EFR3A: variants seen among roughly 807,000 people sequenced by gnomAD.
The protein encoded by EFR3A is protein EFR3 homolog A.
A neutral mutation model predicts 104.4 loss-of-function variants in EFR3A; 76 were observed. That is an observed-to-expected ratio of 0.73 (90% CI 0.60 to 0.88). The LOEUF (loss-of-function observed/expected upper bound fraction) is 0.88. Ranked by LOEUF, EFR3A falls within the 40% of genes least tolerant of loss-of-function variation. The pLI is 0.00. For missense variants in EFR3A, 985 were observed against 1,012.5 expected (o/e 0.97, Z 0.37); for synonymous variants, 330 against 330.0 (o/e 1.00, Z 0.00).
At chr8:131,970,168 A>T (rs1242760227) in intron 9 of EFR3A, among the ~76,000 whole-genome samples, 3 of 152,232 alleles carry the variant, frequency 2.0e-5, no homozygotes, top group African/African-American at 4.8e-5. Context: ...TTGTGAACAG[A>T]TAAGATTAAA....
chr8:131,942,059 G>T (rs1386311384), intron 2 of EFR3A, among the ~76,000 whole-genome samples: 1 of 151,996 alleles, frequency 6.6e-6, no homozygotes, highest in Non-Finnish European at 1.5e-5. Flanking sequence ...TAAGGTGGAG[G>T]CCAGATTTTA....
chr8:131,926,543 T>C (rs1169694714), intron 1 of EFR3A, among the ~76,000 whole-genome samples: 2 of 152,130 alleles, frequency 1.3e-5, no homozygotes, highest in African/African-American at 4.8e-5. Context: ...TTTTAAGATA[T>C]ATGTCTGCTT....
chr8:131,956,518 T>C (rs1370601798), intron 7 of EFR3A, among the ~76,000 whole-genome samples: 2 of 152,226 alleles, frequency 1.3e-5, no homozygotes, highest in Non-Finnish European at 2.9e-5. Context: ...ATAGATCTAC[T>C]ATATAATATT....
At chr8:132,003,119 TAATA>T in intron 21 of EFR3A, 113 bp from the exon 22 acceptor site, 1 of 797,148 alleles carries the variant, frequency 1.3e-6, no homozygotes. Context: ...ATTGTGTACT[TAATA>T]ATTAATCAGC....
At chr8:131,952,385 A>G (rs1012643190) in intron 5 of EFR3A, among the ~76,000 whole-genome samples, 49 of 152,094 alleles carry the variant, frequency 3.2e-4, no homozygotes, top group African/African-American at 1.1e-3. Context: ...TAGATGTTAG[A>G]TCTGAATTGG....
chr8:131,981,020 T>TA (rs1820581287), intron 14 of EFR3A, among the ~76,000 whole-genome samples: 2 of 97,782 alleles, frequency 2.0e-5, no homozygotes, highest in South Asian at 4.6e-4. Flanking sequence ...AGTATTTCAT[T>TA]TTATATATAT....
intron 11 of EFR3A, among the ~76,000 whole-genome samples, chr8:131,976,681 T>C (rs1397982495): frequency 1.3e-5 from 2 of 152,154 alleles, no homozygotes; most frequent in Non-Finnish European, 2.9e-5. Context: ...CTTACCTGTT[T>C]ATTCATATTT....
At chr8:131,940,625 C>T in intron 2 of EFR3A, 50 bp downstream of exon 2, 1 of 1,564,102 alleles carries the variant, frequency 6.4e-7, no homozygotes, top group South Asian at 1.2e-5. Flanking sequence ...CCCATTCTGC[C>T]CCCCGCTGAC....
intron 14 of EFR3A, among the ~76,000 whole-genome samples, chr8:131,980,895 T>C (rs1305855911): frequency 6.6e-6 from 1 of 152,018 alleles, no homozygotes; most frequent in South Asian, 2.1e-4. Context: ...ATTCCACATA[T>C]AAGTGAGATT....
chr8:131,977,745 C>T (rs77509901), intron 12 of EFR3A, among the ~76,000 whole-genome samples: 1,784 of 152,104 alleles, frequency 0.012, 18 homozygotes, highest in Middle Eastern at 0.045. Flanking sequence ...GCAGAAATAC[C>T]TTGTGTGGTT....
At chr8:131,969,947 A>T (rs962554709) in intron 9 of EFR3A, among the ~76,000 whole-genome samples, 2 of 152,216 alleles carry the variant, frequency 1.3e-5, no homozygotes, top group African/African-American at 4.8e-5. Flanking sequence ...AGTGATAGAA[A>T]CACATGCAGA....
chr8:131,999,668 A>G (rs1821690712), intron 19 of EFR3A, among the ~76,000 whole-genome samples: 3 of 152,108 alleles, frequency 2.0e-5, no homozygotes, highest in Admixed American at 1.3e-4. Flanking sequence ...AAAAATATGA[A>G]TCATTAAATG....
At chr8:131,947,972 A>G (rs1457230428) in intron 4 of EFR3A, among the ~76,000 whole-genome samples, 12 of 152,094 alleles carry the variant, frequency 7.9e-5, no homozygotes, top group Admixed American at 7.2e-4. Flanking sequence ...GGGAAAGCAT[A>G]CCTACTTTAA....
intron 8 of EFR3A, among the ~76,000 whole-genome samples, chr8:131,966,107 C>T (rs1029177911): frequency 1.4e-4 from 22 of 151,968 alleles, no homozygotes; most frequent in East Asian, 5.8e-4. Context: ...ATATACCTAA[C>T]GTAAATGACG....
chr8:132,008,467 A>C (rs533348762), intron 22 of EFR3A, among the ~76,000 whole-genome samples: 1 of 152,176 alleles, frequency 6.6e-6, no homozygotes, highest in East Asian at 1.9e-4. Flanking sequence ...AATGGTGATA[A>C]TATAATGAAA....
chr8:131,942,401 A>G (rs1296794748), intron 2 of EFR3A, among the ~76,000 whole-genome samples: 1 of 152,124 alleles, frequency 6.6e-6, no homozygotes, highest in African/African-American at 2.4e-5. Flanking sequence ...AGCAGATGTC[A>G]TAGTCCCTGC....
At chr8:131,923,215 G>A (rs1401445160) in intron 1 of EFR3A, among the ~76,000 whole-genome samples, 1 of 152,136 alleles carries the variant, frequency 6.6e-6, no homozygotes, top group African/African-American at 2.4e-5. Context: ...TTTCGGCAAA[G>A]TATTATGTGG....
chr8:131,930,079 C>A (rs1006377119), intron 1 of EFR3A, among the ~76,000 whole-genome samples: 1 of 152,132 alleles, frequency 6.6e-6, no homozygotes, highest in African/African-American at 2.4e-5. Context: ...AAGATACACA[C>A]TTCCAGACCC....
intron 1 of EFR3A, among the ~76,000 whole-genome samples, chr8:131,913,337 C>G (rs1281845410): frequency 6.6e-6 from 1 of 151,868 alleles, no homozygotes; most frequent in Non-Finnish European, 1.5e-5. Flanking sequence ...ACAGGAACTA[C>G]TATTTTTCTT....
Sources: gnomAD v4.1 joint callset for allele counts (sites outside exome capture counted in the v4.1 genomes callset) on GRCh38, gnomAD v4.1.1 for gene constraint, MANE v1.5 for transcripts, NCBI Gene and HGNC (gene_info 2026-07-23, HGNC 2026-07-21) for gene names.